NTM: variants seen among roughly 807,000 people sequenced by gnomAD.
NTM encodes neurotrimin.
A neutral mutation model predicts 42.1 loss-of-function variants in NTM; 13 were observed. The ratio of observed to expected loss-of-function variants is 0.31; its 90% CI spans 0.20 to 0.49. NTM has a LOEUF of 0.49. NTM is among the 20% of genes least tolerant of loss of function. The probability of loss-of-function intolerance (pLI) is 0.99; values close to 1 mark genes in which losing one functional copy is unlikely to be tolerated. For missense variants in NTM, 373 were observed against 452.8 expected, an observed-to-expected ratio of 0.82 and a Z score of 1.60; for synonymous variants, 187 against 179.2, an observed-to-expected ratio of 1.04 and a Z score of -0.35.
chr11:131,618,946 G>C (rs117805211), intron 1 of NTM, among the ~76,000 whole-genome samples: 4,075 of 152,296 alleles, frequency 0.027, 79 homozygotes, highest in Middle Eastern at 0.054. Flanking sequence ...CATGTTTTCA[G>C]AGCATATGTA....
intron 1 of NTM, among the ~76,000 whole-genome samples, chr11:131,598,723 C>CTTTT (rs1249130601): frequency 1.1e-5 from 1 of 90,966 alleles, no homozygotes; most frequent in African/African-American, 4.0e-5. Flanking sequence ...TTCTTTCTTT[C>CTTTT]TTTCTTTCTT....
intron 1 of NTM, among the ~76,000 whole-genome samples, chr11:131,857,751 T>C (rs2046241962): frequency 6.6e-6 from 1 of 152,146 alleles, no homozygotes; most frequent in African/African-American, 2.4e-5. Flanking sequence ...GCCTATTATT[T>C]CTTGTTTAGT....
intron 2 of NTM, among the ~76,000 whole-genome samples, chr11:131,997,850 G>A (rs1208903402): frequency 6.6e-6 from 1 of 152,158 alleles, no homozygotes; most frequent in African/African-American, 2.4e-5. Flanking sequence ...ACCATTGTGT[G>A]TGGTGAATAG....
At chr11:131,426,786 G>A (rs555999632) in intron 1 of NTM, among the ~76,000 whole-genome samples, 71 of 152,254 alleles carry the variant, frequency 4.7e-4, no homozygotes, top group African/African-American at 7.0e-4. Context: ...GCACGAAAGC[G>A]GAGGAAGAGC....
chr11:131,755,304 G>A (rs1208003592), intron 1 of NTM, among the ~76,000 whole-genome samples: 1 of 152,116 alleles, frequency 6.6e-6, no homozygotes, highest in Non-Finnish European at 1.5e-5. Context: ...TTCACTCTTG[G>A]CCTAGCAGGA....
intron 3 of NTM, among the ~76,000 whole-genome samples, chr11:132,180,293 G>A (rs2077374876): frequency 6.6e-6 from 1 of 152,122 alleles, no homozygotes; most frequent in Admixed American, 6.5e-5. Context: ...ACATTCAGAA[G>A]GTAGAGAGAA....
intron 1 of NTM, chr11:131,777,011 A>G (rs1008118243): frequency 1.5e-5 from 6 of 408,904 alleles, no homozygotes; most frequent in African/African-American, 1.1e-4. Context: ...AACAGTGCAT[A>G]TACTACAAAA....
intron 4 of NTM, among the ~76,000 whole-genome samples, chr11:132,249,886 C>T (rs2091732766): frequency 6.6e-6 from 1 of 152,210 alleles, no homozygotes; most frequent in Non-Finnish European, 1.5e-5. Flanking sequence ...ACTTCATTGC[C>T]ATTGCTGGTA....
chr11:132,219,599 C>G (rs948147446), intron 4 of NTM, among the ~76,000 whole-genome samples: 1 of 151,942 alleles, frequency 6.6e-6, no homozygotes, highest in Non-Finnish European at 1.5e-5. Flanking sequence ...ATTTCCCAAA[C>G]CAATCAAAGG....
intron 1 of NTM, among the ~76,000 whole-genome samples, chr11:131,849,856 G>T (rs2045322824): frequency 6.6e-6 from 1 of 151,170 alleles, no homozygotes; most frequent in Non-Finnish European, 1.5e-5. Flanking sequence ...AGCATTAGGA[G>T]ATATACCTAA....
Position 131,446,528 on chromosome 11 carries a change from C to A in NTM, c.82+75640C>A, listed in dbSNP as rs75120963. Among the ~76,000 whole-genome samples the A allele has an allele frequency of 6.3e-3, 964 of 152,222 alleles. 6 individuals are homozygous for A. The highest frequency in any genetic ancestry group is 0.021 in the African/African-American group (852 of 41,542). On this transcript the variant is annotated intron_variant, in intron 1 of 8. Coordinates refer to ENST00000683400, the MANE Select transcript of NTM (RefSeq NM_001352005.2). Reference sequence around the variant, plus strand: ...GTTAGAACATTAAAAAAAATGAATTCTTCATATAAAAGGGTTTATTCCATC... The same window carrying A: ...GTTAGAACATTAAAAAAAATGAATTATTCATATAAAAGGGTTTATTCCATC...
chr11:131,770,477 C>T (rs2085886509), intron 1 of NTM, among the ~76,000 whole-genome samples: 2 of 152,184 alleles, frequency 1.3e-5, no homozygotes, highest in Admixed American at 6.5e-5. Flanking sequence ...CTTCAGCTAT[C>T]CTGCCTGAGT....
At chr11:132,218,694 G>T (rs1566501708) in intron 4 of NTM, among the ~76,000 whole-genome samples, 1 of 152,192 alleles carries the variant, frequency 6.6e-6, no homozygotes, top group Non-Finnish European at 1.5e-5. Context: ...GGACTAGTCA[G>T]TGTGTCCACT....
chr11:131,635,996 G>A (rs547795177), intron 1 of NTM, among the ~76,000 whole-genome samples: 68 of 152,242 alleles, frequency 4.5e-4, no homozygotes, highest in African/African-American at 1.6e-3. Context: ...TACGCTCCAC[G>A]GTCTACCATC....
chr11:131,592,745 C>G (rs2059684641), intron 1 of NTM, among the ~76,000 whole-genome samples: 1 of 151,878 alleles, frequency 6.6e-6, no homozygotes, highest in African/African-American at 2.4e-5. Flanking sequence ...CCACTGCTTG[C>G]TCCCTCTCTC....
At chr11:131,601,940 G>A (rs1007384130) in intron 1 of NTM, among the ~76,000 whole-genome samples, 1 of 152,096 alleles carries the variant, frequency 6.6e-6, no homozygotes, top group Admixed American at 6.5e-5. Context: ...GAAGCAACAG[G>A]CACCTAAACA....
chr11:131,450,854 T>C (rs989326911), intron 1 of NTM, among the ~76,000 whole-genome samples: 5 of 152,158 alleles, frequency 3.3e-5, no homozygotes, highest in African/African-American at 1.2e-4. Flanking sequence ...CAAATATTCA[T>C]TCAGGGTTAT....
At position 131,547,762 on chromosome 11, in the gene NTM, TCTCCTAGTCCC is replaced by T. The variant is rs563949565; in HGVS notation, c.82+176887_82+176897del. 1.8e-3 allele frequency among the ~76,000 whole-genome samples: 278 copies of T among 152,280 alleles called. 1 individual carries two copies. The highest frequency in any genetic ancestry group is 5.3e-3 in the African/African-American group (222 of 41,542). On this transcript the variant is annotated intron_variant, in intron 1 of 8. Transcript: ENST00000683400. Reference sequence around the variant, plus strand: ...CTCTCAAAGAGTTCGCTTTTAGTTCTCTCCTAGTCCCCTCCTAGTCCCCGCAACTCCAACAG... The same window carrying T: ...CTCTCAAAGAGTTCGCTTTTAGTTCTCTCCTAGTCCCCGCAACTCCAACAG...
At chr11:132,084,473 ATC>A (rs1045254654) in intron 2 of NTM, among the ~76,000 whole-genome samples, 5 of 152,172 alleles carry the variant, frequency 3.3e-5, no homozygotes, top group Non-Finnish European at 7.4e-5. Context: ...AATCCTGTTC[ATC>A]TCTCATCTGG....
Sources: gnomAD v4.1 joint callset for allele counts (sites outside exome capture counted in the v4.1 genomes callset) on GRCh38, gnomAD v4.1.1 for gene constraint, MANE v1.5 for transcripts, NCBI Gene and HGNC (gene_info 2026-07-23, HGNC 2026-07-21) for gene names.